The following RBM34 variants were observed in gnomAD, a reference collection of about 807,000 sequenced individuals.
RBM34 encodes RNA binding motif protein 34.
RBM34 carries 39 observed loss-of-function variants against 44.6 expected under a neutral mutation model. The ratio of observed to expected loss-of-function variants is 0.87; its 90% CI spans 0.68 to 1.14. The LOEUF is 1.14. RBM34 is among the 50% of genes most tolerant of loss of function. The probability of loss-of-function intolerance (pLI) is 0.00; values close to 1 mark genes in which losing one functional copy is unlikely to be tolerated. For synonymous variants in RBM34, 194 were observed against 184.0 expected (o/e 1.05, Z -0.44); for missense variants, 572 against 517.9 (o/e 1.10, Z -1.01).
intron 6 of RBM34, among the ~76,000 whole-genome samples, chr1:235,139,837 C>T (rs1363736236): frequency 6.6e-6 from 1 of 152,142 alleles, no homozygotes; most frequent in African/African-American, 2.4e-5. Flanking sequence ...CTACGATGGC[C>T]GAGCACAGGG....
At chr1:235,145,271 C>CAAAAACATA (rs1661853218) in intron 6 of RBM34, among the ~76,000 whole-genome samples, 1 of 149,468 alleles carries the variant, frequency 6.7e-6, no homozygotes, top group Non-Finnish European at 1.5e-5. Context: ...CCACAAAGCT[C>CAAAAACATA]AAAAACATAC....
chr1:235,132,040 A>G, intron 10 of RBM34, 43 bp from the exon 11 acceptor site: 1 of 1,496,962 alleles, frequency 6.7e-7, no homozygotes, highest in African/African-American at 1.4e-5. Context: ...CCAGAAACCC[A>G]TCTGCAAAGA....
At position 235,153,781 on chromosome 1, in the gene RBM34, A is replaced by G. The variant is rs575074055; in HGVS notation, c.598-1016T>C. Among the ~76,000 whole-genome samples, 5 of 152,314 alleles carry G rather than the reference A, an allele frequency of 3.3e-5. No homozygotes were observed. In the South Asian group the frequency reaches 1.0e-3, roughly 32 times the overall value. ...AGTAGAGTTTAAACTGTCCTTCAAA[A>G]TATGAGCAGGATACCGAGCTAAGGA... On this transcript the variant is annotated intron_variant, in intron 4 of 10. Transcript: ENST00000408888.
chr1:235,140,319 C>T (rs1661623751), intron 6 of RBM34, among the ~76,000 whole-genome samples: 1 of 152,182 alleles, frequency 6.6e-6, no homozygotes, highest in Non-Finnish European at 1.5e-5. Context: ...GGCTGCGCGG[C>T]GCTTGCGGGC....
At chr1:235,136,094 A>G in intron 8 of RBM34, 21 bp from the exon 9 acceptor site, 1 of 1,588,204 alleles carries the variant, frequency 6.3e-7, no homozygotes, top group South Asian at 1.1e-5. Context: ...AAGACAGTTA[A>G]TAAAAATCAC....
intron 8 of RBM34, 101 bp from the exon 9 acceptor site, chr1:235,136,174 C>A (rs1572143142): frequency 1.1e-6 from 1 of 916,726 alleles, no homozygotes; most frequent in Non-Finnish European, 1.7e-6. Flanking sequence ...TCTGACAGGT[C>A]ACCCATCTTC....
intron 3 of RBM34, among the ~76,000 whole-genome samples, chr1:235,158,393 G>A (rs1662541689): frequency 1.3e-5 from 2 of 150,950 alleles, no homozygotes; most frequent in Non-Finnish European, 1.5e-5. Flanking sequence ...TCCAGCCTGG[G>A]CGACAACAGT....
intron 6 of RBM34, among the ~76,000 whole-genome samples, chr1:235,142,094 G>C (rs991382535): frequency 2.6e-5 from 4 of 152,094 alleles, no homozygotes; most frequent in African/African-American, 7.2e-5. Flanking sequence ...AGCTACCGGG[G>C]GAGAGGTGGG....
rs1165190031 is a variant in RBM34, at chr1:235,161,001, A to G, written c.120T>C (p.Ser40=). ...AATGGTGTTCGCCGCGAAATAAGCT[A>G]CTGGCGACCTGTCCAAGCCTGTAGT... ...PEDYRLGQVA[S]SLFRGEHHSR... Residue 40 remains serine (S), a synonymous_variant, in exon 2 of 11, where the codon AGT becomes AGC. Coordinates refer to ENST00000408888, the MANE Select transcript of RBM34 (RefSeq NM_015014.4). 10 of 1,614,114 alleles carry G rather than the reference A, an allele frequency of 6.2e-6. No homozygotes were observed. The South Asian group carries it at 1.1e-4, about 18-fold the overall frequency.
At chr1:235,135,563 GAA>G in intron 10 of RBM34, 87 bp downstream of exon 10, 1 of 1,127,134 alleles carries the variant, frequency 8.9e-7, no homozygotes, top group Non-Finnish European at 1.3e-6. Flanking sequence ...GAATGGAAGT[GAA>G]AGTTATGTCT....
intron 6 of RBM34, 92 bp from the exon 7 acceptor site, chr1:235,138,266 A>G (rs1421663597): frequency 1.1e-6 from 1 of 932,736 alleles, no homozygotes; most frequent in African/African-American, 1.7e-5. Flanking sequence ...AGCTGTTTTC[A>G]ACTCTTAACA....
Position 235,156,968 on chromosome 1 carries a change from C to T in RBM34, c.366-1856G>A, listed in dbSNP as rs563814149. Among the ~76,000 whole-genome samples, 3 of 152,306 alleles carry T rather than the reference C, an allele frequency of 2.0e-5. 1 individual carries two copies. The South Asian group carries it at 6.2e-4, about 32-fold the overall frequency. On this transcript the variant is annotated intron_variant, in intron 3 of 10. Coordinates refer to ENST00000408888, the MANE Select transcript of RBM34 (RefSeq NM_015014.4). ...CCAATAAAAGCTGACTGCTATTACT[C>T]CTCCCCTGAGGACAGGGTCCATGTC...
intron 6 of RBM34, among the ~76,000 whole-genome samples, chr1:235,140,405 C>A (rs1354292444): frequency 1.3e-5 from 2 of 152,196 alleles, no homozygotes; most frequent in Admixed American, 6.5e-5. Context: ...CAGGCCCTGC[C>A]GGCCCCGGGC....
chr1:235,151,260 A>T (rs982367673), intron 5 of RBM34, among the ~76,000 whole-genome samples: 1 of 152,210 alleles, frequency 6.6e-6, no homozygotes, highest in Non-Finnish European at 1.5e-5. Flanking sequence ...CCTGGGTGCC[A>T]CTAAATACCA....
intron 3 of RBM34, among the ~76,000 whole-genome samples, chr1:235,155,947 G>A (rs1268349616): frequency 7.1e-6 from 1 of 140,288 alleles, no homozygotes; most frequent in Non-Finnish European, 1.5e-5. Context: ...TCGGCTCACT[G>A]CAACCTCCGC....
At chr1:235,152,031 T>C (rs1336407856) in intron 5 of RBM34, among the ~76,000 whole-genome samples, 1 of 73,632 alleles carries the variant, frequency 1.4e-5, no homozygotes, top group Non-Finnish European at 2.7e-5. Context: ...CGAGACTCTG[T>C]CTCAAAAAAA....
intron 6 of RBM34, among the ~76,000 whole-genome samples, chr1:235,142,090 C>T (rs1035926723): frequency 1.3e-5 from 2 of 152,020 alleles, no homozygotes; most frequent in African/African-American, 4.8e-5. Context: ...GTCCAGCTAC[C>T]GGGGGAGAGG....
At chr1:235,152,433 T>A in intron 5 of RBM34, 1 of 1,080,554 alleles carries the variant, frequency 9.3e-7, no homozygotes, top group Admixed American at 4.5e-5. Flanking sequence ...TCTATTCTGC[T>A]GACACAGTAA....
intron 3 of RBM34, 114 bp from the exon 4 acceptor site, chr1:235,155,226 T>G: frequency 1.2e-6 from 1 of 856,300 alleles, no homozygotes; most frequent in Non-Finnish European, 1.8e-6. Flanking sequence ...GTCTTCTGAA[T>G]TTTCCTAGAT....
Sources: gnomAD v4.1 joint callset for allele counts (sites outside exome capture counted in the v4.1 genomes callset) on GRCh38, gnomAD v4.1.1 for gene constraint, MANE v1.5 for transcripts, NCBI Gene and HGNC (gene_info 2026-07-23, HGNC 2026-07-21) for gene names.